CFHR4: variants seen among roughly 807,000 people sequenced by gnomAD.
The protein encoded by CFHR4 is complement factor H-related protein 4.
In CFHR4, 64 loss-of-function variants were observed where a neutral mutation model predicts 69.3. The ratio of observed to expected loss-of-function variants is 0.92; its 90% CI spans 0.76 to 1.14. The LOEUF (loss-of-function observed/expected upper bound fraction) is 1.14. CFHR4 is among the 50% of genes most tolerant of loss of function. The pLI, the probability that CFHR4 is intolerant of heterozygous loss-of-function variation, is 0.00. For missense variants in CFHR4, 636 were observed against 684.9 expected (o/e 0.93, Z 0.80); for synonymous variants, 244 against 237.0 (o/e 1.03, Z -0.27).
intron 1 of CFHR4, among the ~76,000 whole-genome samples, chr1:196,893,177 T>C (rs1334121956): frequency 6.6e-6 from 1 of 151,710 alleles, no homozygotes; most frequent in East Asian, 1.9e-4. Context: ...AATATATAGA[T>C]AGTTGAAGAG....
In CFHR4 at chr1:196,904,262, G is replaced by A. The variant is rs191748236; in HGVS notation, c.257-846G>A. Among the ~76,000 whole-genome samples, 256 of 151,684 alleles carry A rather than the reference G, an allele frequency of 1.7e-3. 3 individuals are homozygous for A. Among genetic ancestry groups the A allele is most frequent in the South Asian group, 3.1e-3 (15 of 4,816 alleles). ...GAATACTGTAGTTTAGAGACTGGAG[G>A]AGATTAATCGAAAAGTTGACAAGAA... On this transcript the variant is annotated intron_variant, in intron 2 of 9. Coordinates refer to ENST00000608469, the MANE Select transcript of CFHR4 (RefSeq NM_001201550.3).
chr1:196,894,110 G>A (rs1281964433), intron 1 of CFHR4, among the ~76,000 whole-genome samples: 1 of 151,382 alleles, frequency 6.6e-6, no homozygotes, highest in East Asian at 1.9e-4. Flanking sequence ...TAGAAAAACT[G>A]CTCTATCCCC....
intron 1 of CFHR4, among the ~76,000 whole-genome samples, chr1:196,899,356 G>A (rs1005311460): frequency 1.3e-5 from 2 of 151,462 alleles, no homozygotes; most frequent in Admixed American, 6.6e-5. Context: ...GTGCAGCAGC[G>A]CAGTATACGT....
rs183456407 is a variant in CFHR4 at position 196,889,408 on chromosome 1, T to C, written c.58+1200T>C. Among the ~76,000 whole-genome samples the C allele has an allele frequency of 2.0e-3, 303 of 151,558 alleles. 14 individuals carry two copies. The highest frequency in any genetic ancestry group is 7.0e-3 in the African/African-American group (289 of 41,224). ...TAAAGTAGAATGCAAAGCAGAAAAA[T>C]AGAGAAAAACAGTACTATTTTGAAA... On this transcript the variant is annotated intron_variant, in intron 1 of 9. Coordinates refer to ENST00000608469, the MANE Select transcript of CFHR4 (RefSeq NM_001201550.3).
At chr1:196,908,391 GT>G (rs1176904225) in intron 5 of CFHR4, among the ~76,000 whole-genome samples, 1 of 151,464 alleles carries the variant, frequency 6.6e-6, no homozygotes, top group Non-Finnish European at 1.5e-5. Flanking sequence ...ACACTGAGAA[GT>G]TCTTTCTCTG....
intron 1 of CFHR4, among the ~76,000 whole-genome samples, chr1:196,896,333 A>C (rs1327973120): frequency 6.6e-6 from 1 of 151,450 alleles, no homozygotes; most frequent in Non-Finnish European, 1.5e-5. Context: ...CTTTTTGCTA[A>C]GTGTTCATAG....
At chr1:196,916,100 A>G (rs535033376) in intron 9 of CFHR4, among the ~76,000 whole-genome samples, 9 of 151,596 alleles carry the variant, frequency 5.9e-5, no homozygotes, top group Non-Finnish European at 8.8e-5. Context: ...CCCTTATACC[A>G]TAATCAAAAT....
rs1558241688 is a variant in CFHR4, at chr1:196,902,417, G to A, written c.59-1G>A. The A allele has an allele frequency of 1.3e-6, 2 of 1,590,578 alleles. No homozygotes were observed. The highest frequency in any genetic ancestry group is 1.4e-5 in the African/African-American group (1 of 73,136). ...TACTGTTTTTTGTTTTTTATTACAA[G>A]AAGTGAAACCTTGTGATTTTCCAGA... On this transcript the variant is annotated splice_acceptor_variant, in intron 1 of 9. Coordinates refer to ENST00000608469, the MANE Select transcript of CFHR4 (RefSeq NM_001201550.3). LOFTEE classifies it high-confidence loss of function.
chr1:196,889,502 A>G (rs1334979226), intron 1 of CFHR4, among the ~76,000 whole-genome samples: 1 of 151,542 alleles, frequency 6.6e-6, no homozygotes, highest in Admixed American at 6.6e-5. Context: ...TAAGAAAAGA[A>G]TGCTGACAAA....
intron 1 of CFHR4, among the ~76,000 whole-genome samples, chr1:196,893,311 A>T (rs776672544): frequency 6.6e-6 from 1 of 151,658 alleles, no homozygotes; most frequent in Non-Finnish European, 1.5e-5. Context: ...GGACTGTCAC[A>T]GTCAGTGAAG....
chr1:196,901,329 C>T (rs1657589111), intron 1 of CFHR4, among the ~76,000 whole-genome samples: 1 of 150,806 alleles, frequency 6.6e-6, no homozygotes, highest in African/African-American at 2.4e-5. Context: ...AGAGAAGTTA[C>T]TCACGTATCT....
At chr1:196,893,744 GT>G (rs1268701592) in intron 1 of CFHR4, among the ~76,000 whole-genome samples, 1 of 151,452 alleles carries the variant, frequency 6.6e-6, no homozygotes, top group Non-Finnish European at 1.5e-5. Flanking sequence ...ACCATTGTTT[GT>G]CTTCAGATGT....
intron 1 of CFHR4, among the ~76,000 whole-genome samples, chr1:196,893,481 C>T (rs901067206): frequency 2.0e-5 from 3 of 151,618 alleles, no homozygotes; most frequent in African/African-American, 7.3e-5. Flanking sequence ...TTCAAAATTA[C>T]ACATACAAAC....
intron 1 of CFHR4, among the ~76,000 whole-genome samples, chr1:196,897,652 C>G (rs1571420118): frequency 1.3e-5 from 2 of 151,528 alleles, no homozygotes; most frequent in East Asian, 3.9e-4. Flanking sequence ...CCGACCTCCC[C>G]TAGCGGAACT....
chr1:196,910,468 C>A lies in CFHR4; in HGVS notation c.987C>A (p.Val329=). Residue 329 remains valine, a synonymous_variant, in exon 6 of 10, where the codon GTC becomes GTA. Coordinates refer to ENST00000608469, the MANE Select transcript of CFHR4 (RefSeq NM_001201550.3). Reference sequence around the variant, plus strand: ...CACAAGATGGGTGGTTGCCAACAGTCCCATGCCTCAGTAAGCAAACCTCTT... The same window carrying A: ...CACAAGATGGGTGGTTGCCAACAGTACCATGCCTCAGTAAGCAAACCTCTT... ...HCTQDGWLPT[V]PCLRTCSKSD... 1 of 1,611,418 alleles carries A rather than the reference C, an allele frequency of 6.2e-7. No individual in the cohort carries two copies. Among genetic ancestry groups the A allele is most frequent in the Non-Finnish European group, 8.5e-7 (1 of 1,178,626 alleles).
rs563946342 is a variant in CFHR4, at chr1:196,892,622, A to G, written c.58+4414A>G. Among the ~76,000 whole-genome samples, 100 of 151,498 alleles carry G rather than the reference A, an allele frequency of 6.6e-4. 10 individuals are homozygous for G. The highest frequency in any genetic ancestry group is 2.3e-3 in the African/African-American group (94 of 41,160). On this transcript the variant is annotated intron_variant, in intron 1 of 9. Transcript: ENST00000608469. ...TCAGAGAAAATAGCTATCACAGCAA[A>G]CCTATGTCTATATTGAAATTCATAT...
Position 196,914,634 on chromosome 1 carries a change from T to A in CFHR4, c.1320T>A (p.Cys440Ter), listed in dbSNP as rs376665896. ...SYGNTTGSIV[C>*]GEDGWSHFPT... is the part of the protein sequence containing the mutation. ...GAAACACCACAGGTTCCATAGTGTGTGGTGAAGATGGGTGGTCCCATTTCC... is the reference window on the plus strand; with the variant it reads ...GAAACACCACAGGTTCCATAGTGTGAGGTGAAGATGGGTGGTCCCATTTCC... Residue 440 changes from cysteine (C) to a stop codon, truncating the protein, a stop_gained, in exon 8 of 10, where the codon TGT (cysteine) becomes TGA (stop). Coordinates refer to ENST00000608469, the MANE Select transcript of CFHR4 (RefSeq NM_001201550.3). LOFTEE classifies it high-confidence loss of function. 5 of 1,608,562 alleles carry A rather than the reference T, an allele frequency of 3.1e-6. No homozygotes were observed. The highest frequency in any genetic ancestry group is 4.2e-6 in the Non-Finnish European group (5 of 1,178,200).
chr1:196,889,276 A>C (rs1656894447), intron 1 of CFHR4, among the ~76,000 whole-genome samples: 1 of 151,468 alleles, frequency 6.6e-6, no homozygotes, highest in Non-Finnish European at 1.5e-5. Context: ...GCTGTGCAAA[A>C]TCAACCTTGA....
At chr1:196,913,089 G>T (rs537094130) in intron 7 of CFHR4, among the ~76,000 whole-genome samples, 167 bp downstream of exon 7, 21 of 151,570 alleles carry the variant, frequency 1.4e-4, no homozygotes, top group Non-Finnish European at 2.5e-4. Flanking sequence ...TGCATGTTTA[G>T]AGTAATGGCT....
Sources: gnomAD v4.1 joint callset for allele counts (sites outside exome capture counted in the v4.1 genomes callset) on GRCh38, gnomAD v4.1.1 for gene constraint, MANE v1.5 for transcripts, NCBI Gene and HGNC (gene_info 2026-07-23, HGNC 2026-07-21) for gene names.